Variants in ZDHHC2 observed in about 807,000 individuals in gnomAD.
ZDHHC2 encodes the protein palmitoyltransferase ZDHHC2.
A neutral mutation model predicts 55.6 loss-of-function variants in ZDHHC2; 51 were observed. The ratio of observed to expected loss-of-function variants is 0.92; its 90% CI spans 0.73 to 1.16. ZDHHC2 has a LOEUF of 1.16. Ranked by LOEUF, ZDHHC2 falls within the 50% of genes most tolerant of loss-of-function variation. The pLI is 0.00. For synonymous variants in ZDHHC2, 199 were observed against 152.9 expected (o/e 1.30, Z -2.22); for missense variants, 491 against 442.4 (o/e 1.11, Z -0.99).
chr8:17,163,051 T>C (rs1804425965), intron 1 of ZDHHC2, among the ~76,000 whole-genome samples: 1 of 152,224 alleles, frequency 6.6e-6, no homozygotes, highest in South Asian at 2.1e-4. Context: ...CGGGCCACTT[T>C]TACTCTGTCC....
chr8:17,199,324 C>T (rs528998978), intron 6 of ZDHHC2, among the ~76,000 whole-genome samples: 21 of 152,302 alleles, frequency 1.4e-4, no homozygotes, highest in African/African-American at 4.8e-4. Flanking sequence ...AAGAATGGCA[C>T]TCTTCTTAAA....
At position 17,208,104 on chromosome 8, in the gene ZDHHC2, A is replaced by T; in HGVS notation, c.730+12A>T. 1 of 1,547,872 alleles carries T rather than the reference A, an allele frequency of 6.5e-7. No individual in the cohort carries two copies. The highest frequency in any genetic ancestry group is 1.2e-5 in the South Asian group (1 of 81,262). On this transcript the variant is annotated intron_variant, in intron 8 of 12. Coordinates refer to ENST00000262096, the MANE Select transcript of ZDHHC2 (RefSeq NM_016353.5). ...TAAATCTACATTAGGTGAGTATCCA[A>T]TTATTGTAGTTGACAGAACTTTAAA...
intron 3 of ZDHHC2, among the ~76,000 whole-genome samples, chr8:17,191,959 C>T (rs1421676393): frequency 6.6e-6 from 1 of 152,034 alleles, no homozygotes; most frequent in African/African-American, 2.4e-5. Context: ...ACCATCTCAC[C>T]AGCATTTGTT....
intron 12 of ZDHHC2, among the ~76,000 whole-genome samples, chr8:17,218,786 A>G (rs1807768236): frequency 6.6e-6 from 1 of 152,200 alleles, no homozygotes; most frequent in Non-Finnish European, 1.5e-5. Context: ...CTATCGATAC[A>G]ACCAGTTGCA....
At position 17,188,305 on chromosome 8, in the gene ZDHHC2, TCTA is replaced by T. The variant is rs1419102208; in HGVS notation, c.252+1883_252+1885del. ...CTAAAAACCAATGTAACGCCTTCCC[TCTA>T]CTGCTTGTATCTATTGTGATTCCAT... On this transcript the variant is annotated intron_variant, in intron 3 of 12. Coordinates refer to ENST00000262096, the MANE Select transcript of ZDHHC2 (RefSeq NM_016353.5). Among the ~76,000 whole-genome samples the T allele has an allele frequency of 9.9e-5, 15 of 152,192 alleles. No individual in the cohort carries two copies. In the South Asian group the frequency reaches 3.1e-3, roughly 32 times the overall value.
Position 17,156,513 on chromosome 8 carries a change from T to C in ZDHHC2, c.-211T>C. On this transcript the variant is annotated 5_prime_UTR_variant, in exon 1 of 13. Transcript: ENST00000262096. ...TCGGCCTCCGCTCGCAGCCGCCGCC[T>C]CCGCCTCCGCCGGGCTGAGGAGCCG... 5.3e-6 allele frequency: 1 copy of C among 187,582 alleles called. No individual in the cohort carries two copies. The highest frequency in any genetic ancestry group is 9.9e-6 in the Non-Finnish European group (1 of 101,250). 11.6% of individuals were successfully genotyped at this position (187,582 alleles called of 1,614,324 possible).
intron 2 of ZDHHC2, among the ~76,000 whole-genome samples, chr8:17,185,585 G>C (rs1391508456): frequency 6.6e-6 from 1 of 152,060 alleles, no homozygotes; most frequent in Non-Finnish European, 1.5e-5. Flanking sequence ...TAGGAGGATT[G>C]CTTGAGCCCC....
At chr8:17,180,231 A>G (rs1805359367) in intron 1 of ZDHHC2, among the ~76,000 whole-genome samples, 1 of 152,154 alleles carries the variant, frequency 6.6e-6, no homozygotes, top group Non-Finnish European at 1.5e-5. Flanking sequence ...ATTCTTTCAC[A>G]TTTAAGTTCT....
chr8:17,161,838 G>A (rs1207558327), intron 1 of ZDHHC2, among the ~76,000 whole-genome samples: 1 of 152,112 alleles, frequency 6.6e-6, no homozygotes, highest in Non-Finnish European at 1.5e-5. Flanking sequence ...TCAGCCTGGG[G>A]TGACAGAGCG....
intron 6 of ZDHHC2, among the ~76,000 whole-genome samples, chr8:17,203,869 G>T (rs1455227894): frequency 1.4e-5 from 2 of 147,312 alleles, no homozygotes; most frequent in East Asian, 2.0e-4. Context: ...GTGCAGTGGC[G>T]CAATCTCAGC....
At chr8:17,196,278 G>A (rs74749228) in intron 4 of ZDHHC2, among the ~76,000 whole-genome samples, 2,912 of 152,176 alleles carry the variant, frequency 0.019, 49 homozygotes, top group Non-Finnish European at 0.031. Context: ...CATTATGGTA[G>A]CCGCTAGCCC....
intron 6 of ZDHHC2, among the ~76,000 whole-genome samples, chr8:17,200,926 C>T (rs114926398): frequency 7.5e-4 from 114 of 152,344 alleles, no homozygotes; most frequent in African/African-American, 2.6e-3. Context: ...CATCCACTGT[C>T]TCCACCACTG....
At chr8:17,160,723 T>A (rs930415222) in intron 1 of ZDHHC2, among the ~76,000 whole-genome samples, 1 of 152,242 alleles carries the variant, frequency 6.6e-6, no homozygotes, top group African/African-American at 2.4e-5. Flanking sequence ...TTTTAGAGAT[T>A]TAAAGGGCTT....
At chr8:17,193,367 T>G (rs1031951642) in intron 3 of ZDHHC2, among the ~76,000 whole-genome samples, 11 of 152,350 alleles carry the variant, frequency 7.2e-5, no homozygotes, top group Non-Finnish European at 1.5e-4. Context: ...TTCTTCTGCC[T>G]TATATTCTTC....
chr8:17,173,891 T>A (rs1804991278), intron 1 of ZDHHC2, among the ~76,000 whole-genome samples: 1 of 152,008 alleles, frequency 6.6e-6, no homozygotes. Context: ...ATAATTAAGT[T>A]AAAACGAAGT....
Position 17,186,330 on chromosome 8 carries a change from G to C in ZDHHC2, c.158-1G>C. The C allele has an allele frequency of 1.3e-6, 2 of 1,586,322 alleles. No homozygotes were observed. Among genetic ancestry groups the C allele is most frequent in the Non-Finnish European group, 1.7e-6 (2 of 1,165,376 alleles). On this transcript the variant is annotated splice_acceptor_variant, in intron 2 of 12. Transcript: ENST00000262096. LOFTEE classifies it high-confidence loss of function. ...TGATAATTATGTTTTTCTCATTTTA[G>C]TTGTGTGCCTGATGGCCTATCATCT...
intron 1 of ZDHHC2, among the ~76,000 whole-genome samples, chr8:17,167,312 T>TC (rs1804650788): frequency 1.4e-5 from 2 of 147,976 alleles, no homozygotes; most frequent in Non-Finnish European, 3.0e-5. Context: ...AACTTTTTTT[T>TC]TTTTTTTTTT....
intron 12 of ZDHHC2, among the ~76,000 whole-genome samples, chr8:17,218,504 A>G (rs1807753117): frequency 6.6e-6 from 1 of 152,182 alleles, no homozygotes; most frequent in Non-Finnish European, 1.5e-5. Flanking sequence ...ACATGGTAAT[A>G]TTATATAAAA....
chr8:17,200,772 A>G (rs1391270215), intron 6 of ZDHHC2, among the ~76,000 whole-genome samples: 1 of 152,206 alleles, frequency 6.6e-6, no homozygotes, highest in Non-Finnish European at 1.5e-5. Flanking sequence ...AGACCCTAGA[A>G]TTTTTAAAAA....
Sources: gnomAD v4.1 joint callset for allele counts (sites outside exome capture counted in the v4.1 genomes callset) on GRCh38, gnomAD v4.1.1 for gene constraint, MANE v1.5 for transcripts, NCBI Gene and HGNC (gene_info 2026-07-23, HGNC 2026-07-21) for gene names.